The following PREP variants were observed in gnomAD, a reference collection of about 807,000 sequenced individuals.
PREP encodes dJ355L5.1 (prolyl endopeptidase).
In PREP, 29 loss-of-function variants were observed where a neutral mutation model predicts 87.6. The ratio of observed to expected loss-of-function variants is 0.33; its 90% CI spans 0.25 to 0.45. PREP has a LOEUF of 0.45. Among genes scored for constraint, PREP ranks in the 20% least tolerant of loss-of-function variants. The probability of loss-of-function intolerance (pLI) is 1.00; values close to 1 mark genes in which losing one functional copy is unlikely to be tolerated. For missense variants in PREP, 695 were observed against 886.5 expected (o/e 0.78, Z 2.74); for synonymous variants, 337 against 328.6 (o/e 1.03, Z -0.28).
intron 2 of PREP, among the ~76,000 whole-genome samples, chr6:105,393,668 AATAAT>A (rs1197753525): frequency 3.3e-5 from 5 of 152,238 alleles, no homozygotes; most frequent in Non-Finnish European, 4.4e-5. Flanking sequence ...AATTAATTTC[AATAAT>A]ATATTTTATT....
At chr6:105,350,594 C>T (rs1771923369) in intron 7 of PREP, among the ~76,000 whole-genome samples, 1 of 152,122 alleles carries the variant, frequency 6.6e-6, no homozygotes, top group Admixed American at 6.5e-5. Context: ...ATACTTGTTT[C>T]TCTAAATAGT....
intron 8 of PREP, among the ~76,000 whole-genome samples, chr6:105,330,476 G>A (rs989887923): frequency 5.3e-5 from 8 of 152,208 alleles, no homozygotes; most frequent in Admixed American, 2.6e-4. Flanking sequence ...CAGTGACAGC[G>A]TTCAGTGACA....
Position 105,395,068 on chromosome 6 carries a change from T to C in PREP, c.120+2785A>G, listed in dbSNP as rs561785860. 2.0e-5 allele frequency among the ~76,000 whole-genome samples: 3 copies of C among 152,336 alleles called. No individual in the cohort carries two copies. The East Asian group carries it at 5.8e-4, about 29-fold the overall frequency. On this transcript the variant is annotated intron_variant, in intron 2 of 14. Coordinates refer to ENST00000652536, the MANE Select transcript of PREP (RefSeq NM_002726.5). ...TAGTATCACTATTAAAATTCTGGGC[T>C]GCAAAGATTGCTTTCTAACATGAAA...
intron 9 of PREP, among the ~76,000 whole-genome samples, chr6:105,326,050 T>C (rs1282550058): frequency 6.6e-6 from 1 of 152,182 alleles, no homozygotes; most frequent in African/African-American, 2.4e-5. Context: ...AAGTCACGTA[T>C]GTAAAAAGGC....
intron 6 of PREP, among the ~76,000 whole-genome samples, chr6:105,362,936 G>T (rs1772292245): frequency 6.6e-6 from 1 of 152,208 alleles, no homozygotes; most frequent in African/African-American, 2.4e-5. Flanking sequence ...GTGAGACCCT[G>T]CTGGTCTTCA....
At chr6:105,321,189 C>G (rs1347865985) in intron 10 of PREP, among the ~76,000 whole-genome samples, 2 of 152,008 alleles carry the variant, frequency 1.3e-5, no homozygotes, top group African/African-American at 2.4e-5. Flanking sequence ...CAGGCTATAC[C>G]CTGTTTATGG....
At position 105,380,875 on chromosome 6, in the gene PREP, A is replaced by G. The variant is rs142445510; in HGVS notation, c.121-3356T>C. The stretch of plus-strand genomic sequence containing the variant: ...GGGTCCAAGGGTCAGAGGCTGCTCA[A>G]CAGATTGCTCAGTTCATTTTCCTTG... On this transcript the variant is annotated intron_variant, in intron 2 of 14. Transcript: ENST00000652536. Among the ~76,000 whole-genome samples, 1,310 of 152,300 alleles carry G rather than the reference A, an allele frequency of 8.6e-3. 13 individuals carry two copies. Among genetic ancestry groups the G allele is most frequent in the Non-Finnish European group, 0.014 (953 of 68,030 alleles).
intron 7 of PREP, among the ~76,000 whole-genome samples, chr6:105,351,323 T>C (rs1253499857): frequency 2.0e-5 from 3 of 152,210 alleles, no homozygotes; most frequent in Non-Finnish European, 4.4e-5. Context: ...GTTTCTTAGA[T>C]GCTCCCCTTT....
rs1771617864 is a variant in PREP at position 105,340,574 on chromosome 6, C to A, written c.824-7069G>T. Among the ~76,000 whole-genome samples the A allele has an allele frequency of 2.0e-5, 3 of 152,104 alleles. No homozygotes were observed. In the South Asian group the frequency reaches 6.2e-4, roughly 32 times the overall value. ...CTTAAATGTAAATGGGCTAAATGCT[C>A]CAATTAAAAGACACAGATTGGCAAA... On this transcript the variant is annotated intron_variant, in intron 7 of 14. Transcript: ENST00000652536.
chr6:105,340,634 A>G (rs1434811444), intron 7 of PREP, among the ~76,000 whole-genome samples: 2 of 152,242 alleles, frequency 1.3e-5, no homozygotes, highest in East Asian at 3.8e-4. Flanking sequence ...AGTGTGCTAT[A>G]TTCAGAAGAC....
At chr6:105,289,641 G>C (rs899506383) in intron 10 of PREP, among the ~76,000 whole-genome samples, 1 of 152,064 alleles carries the variant, frequency 6.6e-6, no homozygotes. Context: ...ATAAGGAAGG[G>C]AACATTAAAA....
chr6:105,347,697 G>C (rs774838831), intron 7 of PREP, among the ~76,000 whole-genome samples: 21 of 152,154 alleles, frequency 1.4e-4, no homozygotes, highest in Non-Finnish European at 2.9e-4. Flanking sequence ...TGTAACTAAA[G>C]TATATAAGGC....
intron 4 of PREP, among the ~76,000 whole-genome samples, chr6:105,374,692 A>G (rs1432952845): frequency 9.1e-6 from 1 of 109,752 alleles, no homozygotes; most frequent in African/African-American, 4.1e-5. Context: ...ATATATATAT[A>G]TCAGAAAATT....
intron 10 of PREP, among the ~76,000 whole-genome samples, chr6:105,308,972 T>TAC (rs143812072): frequency 0.072 from 10,962 of 151,786 alleles, 1,325 homozygotes; most frequent in African/African-American, 0.24. Flanking sequence ...CTCTGTATAG[T>TAC]AGAGGATGGA....
chr6:105,339,256 A>G (rs112402966), intron 7 of PREP, among the ~76,000 whole-genome samples: 44,086 of 152,112 alleles, frequency 0.29, 7,804 homozygotes, highest in African/African-American at 0.51. Context: ...CTCTACTGGT[A>G]ATACCCAGGC....
chr6:105,378,278 G>A (rs979696508), intron 2 of PREP, among the ~76,000 whole-genome samples: 3 of 152,202 alleles, frequency 2.0e-5, no homozygotes, highest in Admixed American at 1.3e-4. Context: ...GGCCAGCATG[G>A]CGAAACCCTG....
At chr6:105,359,662 G>A (rs1053773804) in intron 6 of PREP, among the ~76,000 whole-genome samples, 2 of 152,234 alleles carry the variant, frequency 1.3e-5, no homozygotes, top group South Asian at 2.1e-4. Context: ...GCTCTCAGAC[G>A]AGAATCTCTC....
At position 105,318,483 on chromosome 6, in the gene PREP, CAG is replaced by C. The variant is rs533583454; in HGVS notation, c.1317+5180_1317+5181del. Among the ~76,000 whole-genome samples, 359 of 152,244 alleles carry C rather than the reference CAG, an allele frequency of 2.4e-3. 1 individual carries two copies. Among genetic ancestry groups the C allele is most frequent in the African/African-American group, 8.2e-3 (341 of 41,538 alleles). On this transcript the variant is annotated intron_variant, in intron 10 of 14. Transcript: ENST00000652536. ...TCTCTATTATAAGACAGCAAGAAAACAGACTTATCTTCCAGAGTCACACAGCT... is the reference window on the plus strand; with the variant it reads ...TCTCTATTATAAGACAGCAAGAAAACACTTATCTTCCAGAGTCACACAGCT...
intron 10 of PREP, among the ~76,000 whole-genome samples, chr6:105,305,486 G>A (rs1174188108): frequency 1.3e-5 from 2 of 152,134 alleles, no homozygotes; most frequent in East Asian, 3.9e-4. Flanking sequence ...GACTGAACTA[G>A]AGGCGTAGAG....
Sources: allele counts gnomAD v4.1 joint callset (sites outside exome capture counted in the v4.1 genomes callset), GRCh38; gene constraint gnomAD v4.1.1; transcripts MANE v1.5; gene names NCBI Gene and HGNC (gene_info 2026-07-23, HGNC 2026-07-21).